Variants in THSD7A observed in about 807,000 individuals in gnomAD.
THSD7A encodes thrombospondin type-1 domain-containing protein 7A.
In THSD7A, 96 loss-of-function variants were observed where a neutral mutation model predicts 231.3. That is an observed-to-expected ratio of 0.41 (90% CI 0.35 to 0.49). The LOEUF (loss-of-function observed/expected upper bound fraction) is 0.49. Among genes scored for constraint, THSD7A ranks in the 20% least tolerant of loss-of-function variants. The probability of loss-of-function intolerance (pLI) is 0.05; values close to 1 mark genes in which losing one functional copy is unlikely to be tolerated. For synonymous variants in THSD7A, 940 were observed against 743.3 expected (o/e 1.26, Z -4.30); for missense variants, 2,290 against 2,070.2 (o/e 1.11, Z -2.06).
intron 1 of THSD7A, among the ~76,000 whole-genome samples, chr7:11,769,159 T>TTC: frequency 1.2e-5 from 1 of 86,450 alleles, no homozygotes; most frequent in East Asian, 3.4e-4. Flanking sequence ...ATATATTTTT[T>TTC]TTTTTTTTTG....
At chr7:11,709,185 G>T (rs530613989) in intron 1 of THSD7A, among the ~76,000 whole-genome samples, 1 of 150,844 alleles carries the variant, frequency 6.6e-6, no homozygotes, top group South Asian at 2.1e-4. Flanking sequence ...GTCTGGCTTT[G>T]TTGTGAGCTC....
chr7:11,576,244 G>A (rs965061361), intron 4 of THSD7A, among the ~76,000 whole-genome samples: 2 of 151,850 alleles, frequency 1.3e-5, no homozygotes, highest in Non-Finnish European at 2.9e-5. Flanking sequence ...TCCCTTTATT[G>A]TCGGTATTTA....
intron 1 of THSD7A, among the ~76,000 whole-genome samples, chr7:11,777,304 A>G (rs1022370343): frequency 2.0e-5 from 3 of 152,118 alleles, no homozygotes; most frequent in Non-Finnish European, 4.4e-5. Context: ...ATGCTCACAT[A>G]TTAAACAACA....
chr7:11,791,895 T>G (rs1783961912), intron 1 of THSD7A, among the ~76,000 whole-genome samples: 2 of 151,974 alleles, frequency 1.3e-5, no homozygotes, highest in Non-Finnish European at 2.9e-5. Flanking sequence ...TTAGAAATTT[T>G]TGGGGGCTAT....
chr7:11,820,113 AC>A (rs1158119232), intron 1 of THSD7A, among the ~76,000 whole-genome samples: 1 of 151,894 alleles, frequency 6.6e-6, no homozygotes, highest in Non-Finnish European at 1.5e-5. Context: ...GCTGGGCCTG[AC>A]CCCCGGGCTC....
At chr7:11,478,258 C>T (rs1319520109) in intron 7 of THSD7A, among the ~76,000 whole-genome samples, 1 of 152,204 alleles carries the variant, frequency 6.6e-6, no homozygotes, top group Non-Finnish European at 1.5e-5. Flanking sequence ...CTGTGACACC[C>T]CATACTGGGC....
At chr7:11,462,650 T>C (rs1274940613) in intron 9 of THSD7A, among the ~76,000 whole-genome samples, 2 of 152,172 alleles carry the variant, frequency 1.3e-5, no homozygotes, top group Non-Finnish European at 2.9e-5. Flanking sequence ...TCCGGTCATT[T>C]ATTATTCATG....
At chr7:11,478,649 T>C (rs1208932629) in intron 7 of THSD7A, among the ~76,000 whole-genome samples, 1 of 152,146 alleles carries the variant, frequency 6.6e-6, no homozygotes, top group African/African-American at 2.4e-5. Context: ...AGAAGTGCAG[T>C]ATGAGGAAGA....
intron 1 of THSD7A, among the ~76,000 whole-genome samples, chr7:11,772,240 A>G (rs928343900): frequency 3.3e-5 from 5 of 152,206 alleles, no homozygotes; most frequent in Non-Finnish European, 7.3e-5. Flanking sequence ...GATGCTGGCA[A>G]TGGGGATCTG....
intron 2 of THSD7A, among the ~76,000 whole-genome samples, chr7:11,607,385 T>C (rs1459997400): frequency 1.3e-5 from 2 of 152,120 alleles, no homozygotes; most frequent in Non-Finnish European, 2.9e-5. Context: ...CCTGAGTAGA[T>C]AGTGATCATT....
chr7:11,647,612 A>G (rs1372743243), intron 1 of THSD7A, among the ~76,000 whole-genome samples: 1 of 152,108 alleles, frequency 6.6e-6, no homozygotes, highest in Non-Finnish European at 1.5e-5. Flanking sequence ...GAATAAAGCA[A>G]TATTATTCAT....
chr7:11,570,024 T>C (rs1275537595), intron 4 of THSD7A, among the ~76,000 whole-genome samples: 2 of 151,850 alleles, frequency 1.3e-5, no homozygotes, highest in African/African-American at 4.8e-5. Context: ...GTACAAAAAT[T>C]AACTAGGCAT....
intron 6 of THSD7A, among the ~76,000 whole-genome samples, chr7:11,511,272 C>T (rs929143742): frequency 1.6e-4 from 25 of 151,810 alleles, no homozygotes; most frequent in East Asian, 9.7e-4. Flanking sequence ...CACTGCTCAA[C>T]GAAATAAAAG....
At chr7:11,695,274 G>A (rs1227214683) in intron 1 of THSD7A, among the ~76,000 whole-genome samples, 1 of 151,476 alleles carries the variant, frequency 6.6e-6, no homozygotes, top group Non-Finnish European at 1.5e-5. Context: ...GATATCGAGA[G>A]TCTAGAATGT....
chr7:11,771,897 C>A (rs1783242516), intron 1 of THSD7A, among the ~76,000 whole-genome samples: 1 of 152,054 alleles, frequency 6.6e-6, no homozygotes, highest in South Asian at 2.1e-4. Flanking sequence ...GTGTGTTGCA[C>A]CTTTTCTGTC....
At chr7:11,383,449 T>C (rs1782604912) in intron 23 of THSD7A, among the ~76,000 whole-genome samples, 1 of 152,034 alleles carries the variant, frequency 6.6e-6, no homozygotes, top group East Asian at 1.9e-4. Context: ...TTCTTTAAAT[T>C]ACATATCTAG....
At chr7:11,660,528 A>C (rs1372958148) in intron 1 of THSD7A, among the ~76,000 whole-genome samples, 3 of 151,480 alleles carry the variant, frequency 2.0e-5, no homozygotes, top group Non-Finnish European at 4.4e-5. Context: ...AGTTCAAGAG[A>C]AGAACATAAT....
chr7:11,806,912 C>A (rs371961945), intron 1 of THSD7A, among the ~76,000 whole-genome samples: 1 of 152,038 alleles, frequency 6.6e-6, no homozygotes, highest in Non-Finnish European at 1.5e-5. Context: ...AACCTCAGAC[C>A]TCAAGTATAA....
intron 1 of THSD7A, among the ~76,000 whole-genome samples, chr7:11,800,566 A>G (rs1173894955): frequency 1.3e-5 from 2 of 152,130 alleles, no homozygotes; most frequent in Non-Finnish European, 2.9e-5. Flanking sequence ...GAAAAAAAAT[A>G]TCGTATTTGT....
Sources: allele counts gnomAD v4.1 joint callset (sites outside exome capture counted in the v4.1 genomes callset), GRCh38; gene constraint gnomAD v4.1.1; transcripts MANE v1.5; gene names NCBI Gene and HGNC (gene_info 2026-07-23, HGNC 2026-07-21).